CEP162: variants seen among roughly 807,000 people sequenced by gnomAD.
The protein encoded by CEP162 is centrosomal protein of 162 kDa.
Under a neutral mutation model 169.2 loss-of-function variants are expected in CEP162, and 141 were observed. That is an observed-to-expected ratio of 0.83 (90% CI 0.73 to 0.96). CEP162 has a LOEUF of 0.96. Among genes scored for constraint, CEP162 ranks in the 40% least tolerant of loss-of-function variants. The probability of loss-of-function intolerance (pLI) is 0.00; values close to 1 mark genes in which losing one functional copy is unlikely to be tolerated. For missense variants in CEP162, 1,600 were observed against 1,587.2 expected (o/e 1.01, Z -0.14); for synonymous variants, 540 against 526.4 (o/e 1.03, Z -0.35).
In CEP162 at chr6:84,206,146, A is replaced by G. The variant is rs542974280; in HGVS notation, c.572-2050T>C. ...TATCGTGAAAATGGCCATACTGCCCAAGGTAATTTACAGATACAGTGCCAT... is the reference window on the plus strand; with the variant it reads ...TATCGTGAAAATGGCCATACTGCCCGAGGTAATTTACAGATACAGTGCCAT... On this transcript the variant is annotated intron_variant, in intron 6 of 26. Coordinates refer to ENST00000403245, the MANE Select transcript of CEP162 (RefSeq NM_014895.4). Among the ~76,000 whole-genome samples the G allele has an allele frequency of 1.9e-4, 28 of 149,472 alleles. 1 individual carries two copies. Among genetic ancestry groups the G allele is most frequent in the African/African-American group, 6.7e-4 (26 of 38,832 alleles).
intron 6 of CEP162, among the ~76,000 whole-genome samples, chr6:84,205,588 T>C (rs770062196): frequency 2.6e-5 from 4 of 152,164 alleles, no homozygotes; most frequent in Non-Finnish European, 5.9e-5. Context: ...CAAGAGCTAT[T>C]TATGACAAAC....
intron 6 of CEP162, among the ~76,000 whole-genome samples, chr6:84,208,416 C>T (rs932936515): frequency 1.9e-4 from 29 of 152,280 alleles, no homozygotes; most frequent in African/African-American, 6.5e-4. Flanking sequence ...CTGCATCACA[C>T]TGAGAAACAG....
chr6:84,129,554 T>TTTAAG (rs1407491590), intron 25 of CEP162, among the ~76,000 whole-genome samples: 3 of 152,172 alleles, frequency 2.0e-5, no homozygotes, highest in East Asian at 1.9e-4. Context: ...TGTAAATTTG[T>TTTAAG]TTAAGTTCTT....
intron 6 of CEP162, among the ~76,000 whole-genome samples, chr6:84,209,962 C>G (rs2099548801): frequency 6.6e-6 from 1 of 152,048 alleles, no homozygotes; most frequent in South Asian, 2.1e-4. Flanking sequence ...GAAAACAGCA[C>G]ATGTCAGAGA....
At chr6:84,215,261 A>G (rs769027652) in intron 5 of CEP162, 21 bp downstream of exon 5, 2 of 1,312,110 alleles carry the variant, frequency 1.5e-6, no homozygotes, top group South Asian at 3.6e-5. Context: ...AAAATCATTA[A>G]TAGTTTACAC....
chr6:84,135,596 C>T (rs1334902808), intron 25 of CEP162, among the ~76,000 whole-genome samples: 1 of 151,888 alleles, frequency 6.6e-6, no homozygotes, highest in African/African-American at 2.4e-5. Flanking sequence ...GTCGTGGTGG[C>T]TCACGCCTGT....
chr6:84,157,510 T>TA (rs1449213303), intron 21 of CEP162, among the ~76,000 whole-genome samples: 5 of 151,832 alleles, frequency 3.3e-5, no homozygotes, highest in African/African-American at 7.3e-5. Flanking sequence ...CTGTCTCTAC[T>TA]AAAAAAATAC....
Position 84,155,384 on chromosome 6 carries a change from T to G in CEP162, c.2908A>C (p.Lys970Gln). The change falls in exon 22 of 27, where the codon AAA becomes CAA. Residue 970 changes from lysine to glutamine, a missense_variant. By Grantham distance (53) the Lys-to-Gln change is moderately conservative (BLOSUM62 1). Transcript: ENST00000403245. ...CCCTCCAGATCAGCTTCTAGCTTTT[T>G]TATCCTTTTCTCCATAAATTCCACT... ...NTVEFMEKRI[K>Q]KLEADLEGKD... 6.2e-7 allele frequency: 1 copy of G among 1,613,708 alleles called. No homozygotes were observed.
chr6:84,163,980 T>A (rs1271732738), intron 18 of CEP162, among the ~76,000 whole-genome samples: 1 of 142,550 alleles, frequency 7.0e-6, no homozygotes, highest in Non-Finnish European at 1.5e-5. Context: ...ATATCCAGAA[T>A]CTACAAGGAA....
At chr6:84,215,964 G>T in intron 3 of CEP162, 42 bp from the exon 4 acceptor site, 2 of 1,475,888 alleles carry the variant, frequency 1.4e-6, no homozygotes, top group African/African-American at 1.4e-5. Context: ...TATGTTCAAA[G>T]AATTGTTTTG....
intron 11 of CEP162, among the ~76,000 whole-genome samples, chr6:84,188,462 G>C (rs2099538204): frequency 6.6e-6 from 1 of 152,128 alleles, no homozygotes; most frequent in Non-Finnish European, 1.5e-5. Context: ...AGCTCCCACT[G>C]ATAAGTGAGA....
At chr6:84,128,038 T>A (rs922838981) in intron 25 of CEP162, among the ~76,000 whole-genome samples, 3 of 152,224 alleles carry the variant, frequency 2.0e-5, no homozygotes, top group Non-Finnish European at 4.4e-5. Context: ...ACTCCTCACA[T>A]AAAATGTAAG....
At chr6:84,150,045 G>C (rs575159597) in intron 23 of CEP162, among the ~76,000 whole-genome samples, 2 of 152,064 alleles carry the variant, frequency 1.3e-5, no homozygotes, top group Non-Finnish European at 2.9e-5. Context: ...CAGATTTCTT[G>C]CCCAGATGCT....
chr6:84,193,238 CTG>C (rs987975739), intron 11 of CEP162, among the ~76,000 whole-genome samples: 1 of 152,212 alleles, frequency 6.6e-6, no homozygotes, highest in African/African-American at 2.4e-5. Context: ...GACAGCCAGT[CTG>C]TGACTAAGTC....
At chr6:84,174,656 A>G in intron 15 of CEP162, 71 bp downstream of exon 15, 2 of 729,488 alleles carry the variant, frequency 2.7e-6, no homozygotes, top group Non-Finnish European at 4.4e-6. Context: ...ATGACAATGT[A>G]TTTAGCAGGG....
At chr6:84,192,076 A>G (rs1247135262) in intron 11 of CEP162, among the ~76,000 whole-genome samples, 1 of 152,186 alleles carries the variant, frequency 6.6e-6, no homozygotes, top group Non-Finnish European at 1.5e-5. Flanking sequence ...GACTGTGTGG[A>G]GCAGAGCCCC....
chr6:84,155,735 A>G (rs1445987390), intron 21 of CEP162: 2 of 497,534 alleles, frequency 4.0e-6, no homozygotes, highest in Admixed American at 3.6e-5. Flanking sequence ...AAACCGTGAC[A>G]CAAACAAATA....
At chr6:84,220,816 AATTT>A (rs771061935) in intron 3 of CEP162, among the ~76,000 whole-genome samples, 20 of 152,198 alleles carry the variant, frequency 1.3e-4, no homozygotes, top group Non-Finnish European at 2.4e-4. Flanking sequence ...TTGTCACCTT[AATTT>A]GAGTAAATAT....
chr6:84,159,737 T>C (rs1405856592), intron 21 of CEP162, among the ~76,000 whole-genome samples: 2 of 150,316 alleles, frequency 1.3e-5, no homozygotes, highest in African/African-American at 2.5e-5. Flanking sequence ...GCTAAAACCA[T>C]GCCTGGCTAA....
Sources: allele counts gnomAD v4.1 joint callset (sites outside exome capture counted in the v4.1 genomes callset), GRCh38; gene constraint gnomAD v4.1.1; transcripts MANE v1.5; gene names NCBI Gene and HGNC (gene_info 2026-07-23, HGNC 2026-07-21).